Variants in PPIE observed in about 807,000 individuals in gnomAD.
PPIE encodes peptidylprolyl isomerase E.
A neutral mutation model predicts 38.4 loss-of-function variants in PPIE; 20 were observed. The ratio of observed to expected loss-of-function variants is 0.52; its 90% CI spans 0.37 to 0.76. PPIE has a LOEUF of 0.76. PPIE is among the 30% of genes least tolerant of loss of function. The pLI is 0.00. For synonymous variants in PPIE, 142 were observed against 135.7 expected, an observed-to-expected ratio of 1.05 and a Z score of -0.32; for missense variants, 322 against 385.8, an observed-to-expected ratio of 0.83 and a Z score of 1.39.
chr1:39,756,084 G>A lies in PPIE; in HGVS notation c.*2729G>A, dbSNP rs1195480075. 2.0e-6 allele frequency: 2 copies of A among 985,330 alleles called. No individual in the cohort carries two copies. 61.0% of individuals were successfully genotyped at this position (985,330 alleles called of 1,614,324 possible). ...CTGCTCTTCCAGGCCAGAAGGGAGGGGAGCCCCAGAGCTGGGCAGTGGCAT... is the reference window on the plus strand; with the variant it reads ...CTGCTCTTCCAGGCCAGAAGGGAGGAGAGCCCCAGAGCTGGGCAGTGGCAT... On this transcript the variant is annotated 3_prime_UTR_variant, in exon 10 of 10. Transcript: ENST00000324379.
At chr1:39,752,049 C>A (rs1433323219) in intron 8 of PPIE, among the ~76,000 whole-genome samples, 1 of 152,126 alleles carries the variant, frequency 6.6e-6, no homozygotes, top group African/African-American at 2.4e-5. Flanking sequence ...CTACAGTGAG[C>A]TGTGATGCAC....
chr1:39,751,156 A>G (rs1297258079), intron 8 of PPIE, among the ~76,000 whole-genome samples: 1 of 152,220 alleles, frequency 6.6e-6, no homozygotes, highest in Non-Finnish European at 1.5e-5. Context: ...GAAATGGTAG[A>G]TAAAGTTGAT....
chr1:39,763,079 G>C (rs200035026), intron 9 of PPIE: 1 of 1,612,442 alleles, frequency 6.2e-7, no homozygotes, highest in East Asian at 2.2e-5. Context: ...GGCAGGATGG[G>C]CATGGTACTG....
rs778155074 is a variant in PPIE at position 39,748,940 on chromosome 1, T to G, written c.546T>G (p.Phe182Leu). Residue 182 changes from phenylalanine to leucine, a missense_variant, in exon 8 of 10, where the codon TTT becomes TTG. Phe to Leu is a conservative substitution (Grantham distance 22). Transcript: ENST00000324379. ...FRCLCTHEKG[F>L]GFKGSSFHRI... ...GCCTGTGCACTCATGAAAAGGGCTT[T>G]GGCTTTAAGGGAAGCAGCTTCCACC... The G allele has an allele frequency of 2.0e-5, 33 of 1,614,214 alleles. No individual in the cohort carries two copies. The highest frequency in any genetic ancestry group is 2.8e-5 in the Non-Finnish European group (33 of 1,180,040).
chr1:39,741,886 C>A lies in PPIE; in HGVS notation c.175-9C>A. The A allele has an allele frequency of 6.2e-7, 1 of 1,614,192 alleles. No individual in the cohort carries two copies. Among genetic ancestry groups the A allele is most frequent in the Non-Finnish European group, 8.5e-7 (1 of 1,180,010 alleles). On this transcript the variant is annotated splice_polypyrimidine_tract_variant and intron_variant, in intron 3 of 9. Coordinates refer to ENST00000324379, the MANE Select transcript of PPIE (RefSeq NM_006112.4). ...AGCCTAAACTTGTACCTTTGTCTTT[C>A]CTTGGCAGGATGCTGCAGCAGCTAT... is the stretch of plus-strand genomic sequence containing the variant.
At position 39,740,208 on chromosome 1, in the gene PPIE, G is replaced by T. The variant is rs140630770; in HGVS notation, c.75G>T (p.Ala25=). The T allele has an allele frequency of 6.2e-7, 1 of 1,614,154 alleles. No individual in the cohort carries two copies. The part of the protein sequence containing the change: ...EEVDDKVLHA[A]FIPFGDITDI... ...TGGACGACAAAGTTCTTCATGCTGC[G>T]TTCATTCCTTTTGGAGACATCACAG... The change falls in exon 2 of 10, where the codon GCG becomes GCT. Residue 25 remains alanine (A), a synonymous_variant. Coordinates refer to ENST00000324379, the MANE Select transcript of PPIE (RefSeq NM_006112.4).
intron 3 of PPIE, 29 bp downstream of exon 3, chr1:39,741,438 C>A: frequency 1.9e-6 from 3 of 1,610,616 alleles, no homozygotes; most frequent in South Asian, 2.2e-5. Context: ...AGTGTCTAGT[C>A]CTTGGTTTGT....
At chr1:39,748,019 A>C (rs1647313494) in intron 7 of PPIE, 1 of 152,000 alleles carries the variant, frequency 6.6e-6, no homozygotes, top group African/African-American at 2.4e-5. Context: ...TGTAGCTTTG[A>C]ACCCTTGACC....
downstream of PPIE, chr1:39,759,269 G>C (rs938444255): frequency 1.3e-5 from 2 of 152,506 alleles, no homozygotes; most frequent in South Asian, 2.1e-4. Context: ...CCAAGACACA[G>C]GACAGGGCTG....
In PPIE at chr1:39,743,315, C is replaced by T. The variant is rs781666016; in HGVS notation, c.283+18C>T. The T allele has an allele frequency of 2.5e-6, 4 of 1,609,166 alleles. No individual in the cohort carries two copies. In the South Asian group the frequency reaches 3.3e-5, roughly 13 times the overall value. On this transcript the variant is annotated intron_variant, in intron 5 of 9. Transcript: ENST00000324379. Reference sequence around the variant, plus strand: ...CAGGCCAGGTGAGTAGGAGCAACTTCCAGATTCCCTGTGATGTTCTGCAGT... The same window carrying T: ...CAGGCCAGGTGAGTAGGAGCAACTTTCAGATTCCCTGTGATGTTCTGCAGT...
At position 39,753,402 on chromosome 1, in the gene PPIE, C is replaced by G; in HGVS notation, c.*47C>G. 1 of 1,599,224 alleles carries G rather than the reference C, an allele frequency of 6.3e-7. No individual in the cohort carries two copies. The highest frequency in any genetic ancestry group is 8.5e-7 in the Non-Finnish European group (1 of 1,172,640). ...CCCTCCGCTCTTGACCCTGCATATC[C>G]AGGAAGGAACTGCCAGCCTCAGAGG... On this transcript the variant is annotated 3_prime_UTR_variant, in exon 10 of 10. Coordinates refer to ENST00000324379, the MANE Select transcript of PPIE (RefSeq NM_006112.4).
chr1:39,741,220 G>T lies in PPIE; in HGVS notation c.131-146G>T, dbSNP rs1340788804. 26 of 675,228 alleles carry T rather than the reference G, an allele frequency of 3.9e-5. No individual in the cohort carries two copies. In the Admixed American group the frequency reaches 5.4e-4, roughly 14 times the overall value. 41.8% of individuals were successfully genotyped at this position (675,228 alleles called of 1,614,324 possible). A position where few individuals can be genotyped will look rare whatever the true frequency, so the allele number is the denominator to read the frequency against. On this transcript the variant is annotated intron_variant, in intron 2 of 9. Transcript: ENST00000324379. ...TAAAATATTGTATAAGAAGAATCAA[G>T]AATGAGATTCCTTCTTCCTAAATAG...
Position 39,749,871 on chromosome 1 carries a change from G to C in PPIE, c.694+783G>C, listed in dbSNP as rs541376966. 4.6e-5 allele frequency among the ~76,000 whole-genome samples: 7 copies of C among 152,292 alleles called. No homozygotes were observed. In the East Asian group the frequency reaches 1.2e-3, roughly 25 times the overall value. ...TCCGGTTGCCGGGTGCAGTGGCTTA[G>C]TCCTGTAATCCCAGCATTTTGGGAG... On this transcript the variant is annotated intron_variant, in intron 8 of 9. Transcript: ENST00000324379.
At position 39,740,234 on chromosome 1, in the gene PPIE, A is replaced by G; in HGVS notation, c.101A>G (p.Asp34Gly). 1 of 1,614,176 alleles carries G rather than the reference A, an allele frequency of 6.2e-7. No homozygotes were observed. Among genetic ancestry groups the G allele is most frequent in the Non-Finnish European group, 8.5e-7 (1 of 1,180,002 alleles). ...AAFIPFGDIT[D>G]IQIPLDYETE... ...TTCATTCCTTTTGGAGACATCACAG[A>G]TATTCAGATTCCTCTGGATTATGAA... The change falls in exon 2 of 10, where the codon GAT becomes GGT. Residue 34 changes from aspartate to glycine, a missense_variant. Asp to Gly is a moderately conservative substitution (Grantham distance 94). Coordinates refer to ENST00000324379, the MANE Select transcript of PPIE (RefSeq NM_006112.4).
intron 7 of PPIE, chr1:39,747,505 C>T (rs1312910484): frequency 2.8e-5 from 4 of 143,092 alleles, no homozygotes; most frequent in African/African-American, 5.2e-5. Flanking sequence ...CACTGTTGCC[C>T]GGGCTGGAGT....
intron 5 of PPIE, among the ~76,000 whole-genome samples, chr1:39,743,512 T>C (rs1056219885): frequency 1.3e-5 from 2 of 152,228 alleles, no homozygotes; most frequent in East Asian, 1.9e-4. Flanking sequence ...GTTTCTGTTA[T>C]GAGAGAAATT....
rs770514557 is a variant in PPIE, at chr1:39,756,326, G to A, written c.*2971G>A. The A allele has an allele frequency of 6.6e-4, 647 of 985,332 alleles. No individual in the cohort carries two copies. Among genetic ancestry groups the A allele is most frequent in the Non-Finnish European group, 7.3e-4 (604 of 829,942 alleles). 61.0% of individuals were successfully genotyped at this position (985,332 alleles called of 1,614,324 possible). On this transcript the variant is annotated 3_prime_UTR_variant, in exon 10 of 10. Transcript: ENST00000324379. ...ATTCCCATTGCTGGACCAGCACCAGGACTGGGCACAGGGCTTCCTTTTGCT... is the reference window on the plus strand; with the variant it reads ...ATTCCCATTGCTGGACCAGCACCAGAACTGGGCACAGGGCTTCCTTTTGCT...
intron 7 of PPIE, 41 bp downstream of exon 7, chr1:39,745,539 G>A (rs1269229467): frequency 6.2e-7 from 1 of 1,613,104 alleles, no homozygotes; most frequent in Non-Finnish European, 8.5e-7. Context: ...GACGCTGGTG[G>A]CTGAGCAGTG....
Position 39,753,983 on chromosome 1 carries a change from A to C in PPIE, c.*628A>C. On this transcript the variant is annotated 3_prime_UTR_variant, in exon 10 of 10. Transcript: ENST00000324379. ...CCAGCAAGTGTACTCTCAGTGGTTC[A>C]TTTGTTTATTTGTTCACTTTCACCC... The C allele has an allele frequency of 1.0e-6, 1 of 985,396 alleles. No individual in the cohort carries two copies. The highest frequency in any genetic ancestry group is 1.2e-6 in the Non-Finnish European group (1 of 829,926). The allele number at this position is 985,396 out of a possible 1,614,324, so 61.0% of individuals were successfully genotyped here.
Sources: allele counts gnomAD v4.1 joint callset (sites outside exome capture counted in the v4.1 genomes callset), GRCh38; gene constraint gnomAD v4.1.1; transcripts MANE v1.5; gene names NCBI Gene and HGNC (gene_info 2026-07-23, HGNC 2026-07-21).